Variants in ROR2 observed in about 807,000 individuals in gnomAD.
ROR2 encodes the protein ROR family WNT receptor 2.
A neutral mutation model predicts 74.9 loss-of-function variants in ROR2; 33 were observed. The ratio of observed to expected loss-of-function variants is 0.44; its 90% confidence interval spans 0.33 to 0.59. The LOEUF (loss-of-function observed/expected upper bound fraction) is 0.59. Among genes scored for constraint, ROR2 ranks in the 20% least tolerant of loss-of-function variants. The pLI is 0.02. For missense variants in ROR2, 1,216 were observed against 1,313.8 expected (o/e 0.93, Z 1.15); for synonymous variants, 586 against 558.7 (o/e 1.05, Z -0.69).
Position 91,930,507 on chromosome 9 carries a change from G to A in ROR2, c.97+19360C>T, listed in dbSNP as rs369447329. On this transcript the variant is annotated intron_variant, in intron 1 of 8. Transcript: ENST00000375708. ...CTTTGTTCAGTGTGCTCTTGCAAGC[G>A]TGACAAACACAAGCAGCACTCTTCT... Among the ~76,000 whole-genome samples, 29 of 152,224 alleles carry A rather than the reference G, an allele frequency of 1.9e-4. No individual in the cohort carries two copies. The South Asian group carries it at 2.7e-3, about 14-fold the overall frequency.
At chr9:91,795,934 C>T (rs533164264) in intron 1 of ROR2, among the ~76,000 whole-genome samples, 6 of 152,230 alleles carry the variant, frequency 3.9e-5, no homozygotes, top group Non-Finnish European at 7.3e-5. Flanking sequence ...CAGAGGCTCC[C>T]GGTGATGCCA....
In ROR2 at chr9:91,775,797, G is replaced by A. The variant is rs761159958; in HGVS notation, c.119C>T (p.Pro40Leu). The change falls in exon 2 of 9, where the codon CCG (proline) becomes CTG (leucine). Residue 40 changes from proline (P) to leucine (L), a missense_variant. Physicochemically the swap from Pro to Leu is moderately conservative, Grantham distance 98. Coordinates refer to ENST00000375708, the MANE Select transcript of ROR2 (RefSeq NM_004560.4). ...ATCAAGGGGTCCTAAAGGGTCGTTC[G>A]GATCCAGAACCTCCACTTCACCTGG... ...RTSGEVEVLD[P>L]NDPLGPLDGQ... 2.4e-5 allele frequency: 38 copies of A among 1,613,992 alleles called. No homozygotes were observed. The highest frequency in any genetic ancestry group is 5.0e-5 in the Admixed American group (3 of 59,992).
At chr9:91,826,679 G>A (rs1468650350) in intron 1 of ROR2, among the ~76,000 whole-genome samples, 3 of 152,034 alleles carry the variant, frequency 2.0e-5, no homozygotes, top group African/African-American at 7.2e-5. Flanking sequence ...AGCTACTCGG[G>A]AGGCTGAGGC....
intron 1 of ROR2, among the ~76,000 whole-genome samples, chr9:91,916,445 C>T (rs1200349820): frequency 2.0e-5 from 3 of 152,186 alleles, no homozygotes; most frequent in Non-Finnish European, 4.4e-5. Flanking sequence ...TGCAGGGAGT[C>T]CTGAGGGAAA....
chr9:91,738,051 T>C (rs1006817580), intron 4 of ROR2, among the ~76,000 whole-genome samples: 24 of 152,124 alleles, frequency 1.6e-4, no homozygotes, highest in African/African-American at 5.6e-4. Context: ...GGCAGTGAAA[T>C]ATTCTGTATG....
intron 1 of ROR2, among the ~76,000 whole-genome samples, chr9:91,943,153 C>T (rs768525761): frequency 6.6e-6 from 1 of 152,208 alleles, no homozygotes; most frequent in Non-Finnish European, 1.5e-5. Context: ...CACTTTTCAC[C>T]ACTCACTTGC....
intron 1 of ROR2, among the ~76,000 whole-genome samples, chr9:91,942,763 T>C (rs896217019): frequency 2.6e-5 from 4 of 152,148 alleles, no homozygotes; most frequent in African/African-American, 9.7e-5. Flanking sequence ...AAAATGGCGA[T>C]AGAAGTCAAA....
chr9:91,739,561 G>A (rs1825149200), intron 4 of ROR2, among the ~76,000 whole-genome samples: 1 of 151,152 alleles, frequency 6.6e-6, no homozygotes, highest in South Asian at 2.1e-4. Context: ...TTAACCACAT[G>A]GATTTAAAAT....
At chr9:91,842,550 C>G (rs1225202106) in intron 1 of ROR2, among the ~76,000 whole-genome samples, 1 of 152,276 alleles carries the variant, frequency 6.6e-6, no homozygotes, top group Non-Finnish European at 1.5e-5. Context: ...CATGGGCACT[C>G]TCCACCAACT....
intron 4 of ROR2, among the ~76,000 whole-genome samples, chr9:91,737,839 A>G (rs1825089350): frequency 6.6e-6 from 1 of 152,212 alleles, no homozygotes; most frequent in South Asian, 2.1e-4. Context: ...AAAAGAGAGG[A>G]AACTTACATG....
chr9:91,864,632 A>T (rs1829574754), intron 1 of ROR2, among the ~76,000 whole-genome samples: 1 of 152,100 alleles, frequency 6.6e-6, no homozygotes, highest in Non-Finnish European at 1.5e-5. Context: ...GATCACTCAC[A>T]CCCACTCTCT....
intron 1 of ROR2, among the ~76,000 whole-genome samples, chr9:91,875,954 C>T (rs528965067): frequency 6.6e-6 from 1 of 151,884 alleles, no homozygotes; most frequent in African/African-American, 2.4e-5. Context: ...TAGATGGACA[C>T]ATGGAAACCC....
Position 91,813,180 on chromosome 9 carries a change from A to G in ROR2, c.98-37362T>C, listed in dbSNP as rs186756870. ...CTCAAGATTAATTCTCAGCAAAGGA[A>G]ATATAACAAAGATCTCCTCCTGGCA... On this transcript the variant is annotated intron_variant, in intron 1 of 8. Transcript: ENST00000375708. 3.3e-5 allele frequency among the ~76,000 whole-genome samples: 5 copies of G among 152,304 alleles called. No individual in the cohort carries two copies. In the East Asian group the frequency reaches 9.6e-4, roughly 29 times the overall value.
intron 1 of ROR2, among the ~76,000 whole-genome samples, chr9:91,851,118 C>T (rs904413493): frequency 1.3e-5 from 2 of 151,946 alleles, no homozygotes. Flanking sequence ...TTTGGGAGGC[C>T]GAGGCAGATG....
At chr9:91,944,017 A>T (rs1047112539) in intron 1 of ROR2, among the ~76,000 whole-genome samples, 2 of 152,204 alleles carry the variant, frequency 1.3e-5, no homozygotes, top group Non-Finnish European at 2.9e-5. Flanking sequence ...CACCTCTTCT[A>T]TTCAACACAG....
chr9:91,781,656 G>A (rs1297248299), intron 1 of ROR2, among the ~76,000 whole-genome samples: 1 of 152,156 alleles, frequency 6.6e-6, no homozygotes, highest in Non-Finnish European at 1.5e-5. Flanking sequence ...GTACCTAATT[G>A]GTAGTGGTCT....
chr9:91,903,154 T>TA (rs34224448), intron 1 of ROR2, among the ~76,000 whole-genome samples: 39,338 of 151,638 alleles, frequency 0.26, 5,487 homozygotes, highest in Admixed American at 0.43. Flanking sequence ...CAAAAGCAAA[T>TA]AAAAAAAATA....
intron 1 of ROR2, among the ~76,000 whole-genome samples, chr9:91,948,316 T>A (rs1832067523): frequency 1.3e-5 from 2 of 152,174 alleles, no homozygotes. Context: ...TCCAGCAACG[T>A]GTTTAAGCCG....
chr9:91,854,107 T>C (rs946603195), intron 1 of ROR2, among the ~76,000 whole-genome samples: 2 of 152,140 alleles, frequency 1.3e-5, no homozygotes, highest in Non-Finnish European at 2.9e-5. Context: ...ACTGGGCCCC[T>C]GTGGGAGGCC....
Sources: allele counts gnomAD v4.1 joint callset (sites outside exome capture counted in the v4.1 genomes callset), GRCh38; gene constraint gnomAD v4.1.1; transcripts MANE v1.5; gene names NCBI Gene and HGNC (gene_info 2026-07-23, HGNC 2026-07-21).